POLE4: variants seen among roughly 807,000 people sequenced by gnomAD.
POLE4 encodes DNA polymerase epsilon subunit 4.
POLE4 carries 15 observed loss-of-function variants against 15.6 expected under a neutral mutation model. The observed-to-expected ratio is 0.96, with a 90% CI of 0.64 to 1.48. POLE4 has a LOEUF of 1.48. POLE4 is among the 40% of genes most tolerant of loss of function. The pLI is 0.00. For synonymous variants in POLE4, 83 were observed against 63.2 expected (o/e 1.31, Z -1.49); for missense variants, 205 against 151.9 (o/e 1.35, Z -1.84).
At position 74,958,681 on chromosome 2, in the gene POLE4, TGGCGGCGGC is replaced by T. The variant is rs528770146; in HGVS notation, c.12_20del (p.AlaAlaAla5_?7). The stretch of plus-strand genomic sequence containing the variant: ...GCGCGCAGCACGCTCAAGGCCGGGA[TGGCGGCGGC>T]GGCGGCGGCAGGAAGCGGGACGCCC... On this transcript the variant is annotated start_lost and inframe_deletion, in exon 1 of 4. Coordinates refer to ENST00000483063, the MANE Select transcript of POLE4 (RefSeq NM_019896.4). The T allele has an allele frequency of 1.9e-5, 27 of 1,457,288 alleles. No individual in the cohort carries two copies. In the Middle Eastern group the frequency reaches 6.1e-4, roughly 33 times the overall value. 90.3% of individuals were successfully genotyped at this position (1,457,288 alleles called of 1,614,324 possible).
At chr2:74,966,564 G>A (rs1671299156) in intron 3 of POLE4, among the ~76,000 whole-genome samples, 1 of 152,048 alleles carries the variant, frequency 6.6e-6, no homozygotes. Context: ...ACCAAGCCTG[G>A]CTAGTTTTTT....
rs1451678355 is a variant in POLE4 at position 74,958,785 on chromosome 2, GCTCGT to G, written c.110_114del (p.Arg37LeufsTer63). The G allele has an allele frequency of 6.4e-7, 1 of 1,551,200 alleles. No homozygotes were observed. Among genetic ancestry groups the G allele is most frequent in the Admixed American group, 2.0e-5 (1 of 51,038 alleles). Reference sequence around the variant, plus strand: ...CCAGGCCCCAACGAGTGTGCCTGGGGCTCGTCTCTCGAGGTTGCCTCTGGCGCGAG... The same window carrying G: ...CCAGGCCCCAACGAGTGTGCCTGGGGCTCTCGAGGTTGCCTCTGGCGCGAG... On this transcript the variant is annotated frameshift_variant, in exon 1 of 4. Coordinates refer to ENST00000483063, the MANE Select transcript of POLE4 (RefSeq NM_019896.4). LOFTEE classifies it high-confidence loss of function.
At chr2:74,968,873 C>T (rs571130750) in intron 3 of POLE4, among the ~76,000 whole-genome samples, 2 of 151,886 alleles carry the variant, frequency 1.3e-5, no homozygotes, top group African/African-American at 4.8e-5. Flanking sequence ...TTCCTCTGCT[C>T]TATTTATAAG....
intron 3 of POLE4, among the ~76,000 whole-genome samples, chr2:74,964,014 T>G (rs888884524): frequency 6.8e-6 from 1 of 146,426 alleles, no homozygotes; most frequent in African/African-American, 2.4e-5. Context: ...TCTTTATAGT[T>G]TTGTCTTTCA....
chr2:74,965,328 G>C (rs143892502), intron 3 of POLE4, among the ~76,000 whole-genome samples: 3,717 of 152,054 alleles, frequency 0.024, 61 homozygotes, highest in South Asian at 0.039. Context: ...CCTGACCTCA[G>C]GTGTTCAAGG....
intron 1 of POLE4, 76 bp downstream of exon 1, chr2:74,958,968 C>T: frequency 1.4e-6 from 2 of 1,379,672 alleles, no homozygotes; most frequent in Non-Finnish European, 2.0e-6. Context: ...CTCCCGCGGG[C>T]GGGGCTTAGG....
In POLE4 at chr2:74,958,684, C is replaced by A. The variant is rs1237978214; in HGVS notation, c.5C>A (p.Ala2Glu). 2 of 1,420,658 alleles carry A rather than the reference C, an allele frequency of 1.4e-6. No homozygotes were observed. The highest frequency in any genetic ancestry group is 2.9e-5 in the East Asian group (1 of 34,036). 88.0% of individuals were successfully genotyped at this position (1,420,658 alleles called of 1,614,324 possible). Residue 2 changes from alanine (A) to glutamate (E), a missense_variant, in exon 1 of 4, where the codon GCG (alanine) becomes GAG (glutamate). Ala to Glu is a moderately radical substitution (Grantham distance 107). Transcript: ENST00000483063. The part of the protein sequence containing the change: M[A>E]AAAAAGSGTP... ...CGCAGCACGCTCAAGGCCGGGATGG[C>A]GGCGGCGGCGGCGGCAGGAAGCGGG...
Position 74,970,040 on chromosome 2 carries a change from G to A in POLE4, c.*618G>A, listed in dbSNP as rs1484012706. ...ACCAATTTAAAGTGTACAATTCAGT[G>A]GTATTTAGTATATTCACAAATATGT... On this transcript the variant is annotated 3_prime_UTR_variant, in exon 4 of 4. Transcript: ENST00000483063. 1 of 151,492 alleles carries A rather than the reference G, an allele frequency of 6.6e-6. No individual in the cohort carries two copies. Among genetic ancestry groups the A allele is most frequent in the African/African-American group, 2.4e-5 (1 of 40,868 alleles). 9.4% of individuals were successfully genotyped at this position (151,492 alleles called of 1,614,324 possible).
chr2:74,958,982 G>A, intron 1 of POLE4, 90 bp downstream of exon 1: 1 of 1,241,190 alleles, frequency 8.1e-7, no homozygotes, highest in Non-Finnish European at 1.1e-6. Flanking sequence ...GCTTAGGGCG[G>A]CGTGGCCCGG....
Position 74,959,256 on chromosome 2 carries a change from T to C in POLE4, c.214-85T>C, listed in dbSNP as rs560451605. The C allele has an allele frequency of 6.1e-6, 5 of 821,920 alleles. No individual in the cohort carries two copies. In the East Asian group the frequency reaches 1.2e-4, roughly 20 times the overall value. The allele number at this position is 821,920 out of a possible 1,614,324, so 50.9% of individuals were successfully genotyped here. ...TCTTGCCCCGAGCCTTTCTTCTCCC[T>C]TTCTGCCCCCACCCACAAACCGGAG... On this transcript the variant is annotated intron_variant, in intron 1 of 3. Transcript: ENST00000483063.
chr2:74,962,228 C>T (rs1468214843), intron 3 of POLE4, among the ~76,000 whole-genome samples: 2 of 152,154 alleles, frequency 1.3e-5, no homozygotes, highest in South Asian at 2.1e-4. Context: ...ATATAACATA[C>T]TAGGATGTCT....
At chr2:74,967,608 A>G (rs1671314883) in intron 3 of POLE4, among the ~76,000 whole-genome samples, 1 of 152,156 alleles carries the variant, frequency 6.6e-6, no homozygotes, top group South Asian at 2.1e-4. Flanking sequence ...TCTAACATCC[A>G]TAGTCTCTTG....
Position 74,969,399 on chromosome 2 carries a change from GTA to G in POLE4, c.341-8_341-7del. ...TCCCCTGATATACTCATTGCTCTTT[GTA>G]TGTTTAGGTACTTTAGATTGATTGC... is the stretch of plus-strand genomic sequence containing the variant. On this transcript the variant is annotated splice_region_variant and splice_polypyrimidine_tract_variant and intron_variant, in intron 3 of 3. Transcript: ENST00000483063. 1 of 1,613,670 alleles carries G rather than the reference GTA, an allele frequency of 6.2e-7. No homozygotes were observed. The highest frequency in any genetic ancestry group is 1.7e-5 in the Admixed American group (1 of 60,016).
intron 3 of POLE4, among the ~76,000 whole-genome samples, chr2:74,968,965 A>G (rs1671329534): frequency 6.6e-6 from 1 of 152,048 alleles, no homozygotes; most frequent in Admixed American, 6.6e-5. Flanking sequence ...TTGTAGATTT[A>G]TACTTTTTAA....
intron 3 of POLE4, among the ~76,000 whole-genome samples, chr2:74,967,295 G>T (rs1321925552): frequency 1.4e-5 from 2 of 147,204 alleles, no homozygotes; most frequent in South Asian, 2.2e-4. Context: ...CTCTCCATTT[G>T]TCTCATTTCC....
At position 74,958,900 on chromosome 2, in the gene POLE4, T is replaced by G. The variant is rs767798387; in HGVS notation, c.213+8T>G. Reference sequence around the variant, plus strand: ...ATTCTGGCACGAGCCGCGGTGCGCCTGCAGCGCGAGGGCATGCGGGAGTGG... The same window carrying G: ...ATTCTGGCACGAGCCGCGGTGCGCCGGCAGCGCGAGGGCATGCGGGAGTGG... On this transcript the variant is annotated splice_region_variant and intron_variant, in intron 1 of 3. Transcript: ENST00000483063. 6.5e-7 allele frequency: 1 copy of G among 1,549,688 alleles called. No individual in the cohort carries two copies. The highest frequency in any genetic ancestry group is 8.7e-7 in the Non-Finnish European group (1 of 1,145,954).
chr2:74,962,986 A>C (rs983097187), intron 3 of POLE4, among the ~76,000 whole-genome samples: 13 of 152,106 alleles, frequency 8.5e-5, no homozygotes, highest in Non-Finnish European at 1.9e-4. Flanking sequence ...ATTGCACATA[A>C]CTCATTTGTT....
chr2:74,967,430 A>G (rs763135908), intron 3 of POLE4, among the ~76,000 whole-genome samples: 2 of 151,438 alleles, frequency 1.3e-5, no homozygotes, highest in African/African-American at 4.9e-5. Context: ...GTATCAAGCA[A>G]TTTTTGTGAG....
In POLE4 at chr2:74,958,706, C is replaced by T. The variant is rs1368450567; in HGVS notation, c.27C>T (p.Ser9=). The T allele has an allele frequency of 7.4e-6, 11 of 1,478,684 alleles. No individual in the cohort carries two copies. Among genetic ancestry groups the T allele is most frequent in the Middle Eastern group, 1.9e-4 (1 of 5,296 alleles). 91.6% of individuals were successfully genotyped at this position (1,478,684 alleles called of 1,614,324 possible). A position where few individuals can be genotyped will look rare whatever the true frequency, so the allele number is the denominator to read the frequency against. Residue 9 remains serine, a synonymous_variant, in exon 1 of 4, where the codon AGC becomes AGT. Coordinates refer to ENST00000483063, the MANE Select transcript of POLE4 (RefSeq NM_019896.4). MAAAAAAG[S]GTPREEEGPA... is the part of the protein sequence containing the mutation. Reference sequence around the variant, plus strand: ...TGGCGGCGGCGGCGGCGGCAGGAAGCGGGACGCCCCGAGAGGAGGAGGGAC... The same window carrying T: ...TGGCGGCGGCGGCGGCGGCAGGAAGTGGGACGCCCCGAGAGGAGGAGGGAC...
Sources: gnomAD v4.1 joint callset for allele counts (sites outside exome capture counted in the v4.1 genomes callset) on GRCh38, gnomAD v4.1.1 for gene constraint, MANE v1.5 for transcripts, NCBI Gene and HGNC (gene_info 2026-07-23, HGNC 2026-07-21) for gene names.